The following DMXL2 variants were observed in gnomAD, a reference collection of about 807,000 sequenced individuals.
DMXL2 encodes the protein Dmx like 2.
DMXL2 carries 103 observed loss-of-function variants against 331.1 expected under a neutral mutation model. The observed-to-expected ratio is 0.31, with a 90% confidence interval of 0.27 to 0.37. DMXL2 has a LOEUF of 0.37. DMXL2 is among the 10% of genes least tolerant of loss of function. The pLI is 1.00. For missense variants in DMXL2, 3,171 were observed against 3,642.9 expected (o/e 0.87, Z 3.33); for synonymous variants, 1,281 against 1,252.1 (o/e 1.02, Z -0.49).
At chr15:51,600,024 C>G (rs2053116640) in intron 1 of DMXL2, among the ~76,000 whole-genome samples, 1 of 152,214 alleles carries the variant, frequency 6.6e-6, no homozygotes, top group Non-Finnish European at 1.5e-5. Context: ...ACACTTGTAA[C>G]TCTCTTCTTC....
chr15:51,504,732 T>G (rs1052181742), intron 16 of DMXL2, among the ~76,000 whole-genome samples: 1 of 152,164 alleles, frequency 6.6e-6, no homozygotes. Context: ...CAAACTTGGA[T>G]CCGTAGTCAG....
At chr15:51,529,459 G>T (rs886571761) in intron 13 of DMXL2, among the ~76,000 whole-genome samples, 1 of 152,014 alleles carries the variant, frequency 6.6e-6, no homozygotes, top group Non-Finnish European at 1.5e-5. Context: ...AGGATCAACA[G>T]TGGCTACTAT....
rs1567008295 is a variant in DMXL2, at chr15:51,481,018, C to G, written c.6088G>C (p.Glu2030Gln). The G allele has an allele frequency of 6.2e-7, 1 of 1,614,184 alleles. No homozygotes were observed. The change falls in exon 24 of 44, where the codon GAA becomes CAA. Residue 2030 changes from glutamate to glutamine, a missense_variant. By Grantham distance (29) the Glu-to-Gln change is conservative. This residue lies in a region of DMXL2 where 244 missense variants were observed against 251.4 expected (regional missense o/e 0.97). Coordinates refer to ENST00000560891, the MANE Select transcript of DMXL2 (RefSeq NM_001378457.1). ...ATCACATCAACTTCAGTATCACCTT[C>G]AGGATCATCCTCTTCCTGAGGTGTT... ...LLTPQEEDDPEGDTEVDVIAE... is the reference protein window; with the variant it reads ...LLTPQEEDDPQGDTEVDVIAE...
rs1250475486 is a variant in DMXL2 at position 51,481,403 on chromosome 15, G to A, written c.5703C>T (p.Ala1901=). The A allele has an allele frequency of 1.2e-6, 2 of 1,612,280 alleles. No individual in the cohort carries two copies. The highest frequency in any genetic ancestry group is 1.1e-5 in the South Asian group (1 of 90,890). ...TTGGAATTTTGGAGAGTACCTCCAA[G>A]GCTAAAACAGGGCATCCAACTTTAA... is the stretch of plus-strand genomic sequence containing the variant. The part of the protein sequence containing the change: ...AHFKVGCPVL[A]LEVLSKIPKV... The change falls in exon 24 of 44, where the codon GCC becomes GCT. Residue 1901 remains alanine (A), a synonymous_variant. Coordinates refer to ENST00000560891, the MANE Select transcript of DMXL2 (RefSeq NM_001378457.1).
chr15:51,555,491 C>A (rs1184083656), intron 6 of DMXL2, among the ~76,000 whole-genome samples: 1 of 152,090 alleles, frequency 6.6e-6, no homozygotes, highest in East Asian at 1.9e-4. Flanking sequence ...GAGCCCTGGG[C>A]ACTCCAACAT....
chr15:51,498,962 G>T lies in DMXL2; in HGVS notation c.4262C>A (p.Thr1421Asn). 6.2e-7 allele frequency: 1 copy of T among 1,614,012 alleles called. No homozygotes were observed. Among genetic ancestry groups the T allele is most frequent in the Non-Finnish European group, 8.5e-7 (1 of 1,180,000 alleles). ...TVGKDGTRDY[T>N]EIDSIPPLPL... is the part of the protein sequence containing the mutation. ...TAGTGGAGGGATAGAATCTATCTCA[G>T]TATAATCTCGAGTACCATCTTTTCC... is the stretch of plus-strand genomic sequence containing the variant. Residue 1421 changes from threonine to asparagine, a missense_variant, in exon 18 of 44, where the codon ACT becomes AAT. This residue lies in a region of DMXL2 where 1,674 missense variants were observed against 1,780.2 expected (regional missense o/e 0.94). Transcript: ENST00000560891.
chr15:51,587,915 G>A (rs577761309), intron 1 of DMXL2, among the ~76,000 whole-genome samples: 7 of 152,234 alleles, frequency 4.6e-5, no homozygotes, highest in Non-Finnish European at 1.0e-4. Flanking sequence ...TTCTCTGATG[G>A]CCAGTGATGA....
intron 13 of DMXL2, among the ~76,000 whole-genome samples, chr15:51,528,839 G>A (rs1669784873): frequency 2.6e-5 from 4 of 152,166 alleles, no homozygotes; most frequent in Admixed American, 2.0e-4. Context: ...GATCATTCTC[G>A]AGGACAGACC....
intron 6 of DMXL2, among the ~76,000 whole-genome samples, chr15:51,561,947 C>T (rs1158865855): frequency 6.6e-6 from 1 of 151,976 alleles, no homozygotes; most frequent in Non-Finnish European, 1.5e-5. Context: ...GAAAAAGTAC[C>T]GTTATTTTCT....
intron 1 of DMXL2, among the ~76,000 whole-genome samples, chr15:51,583,121 C>CTTTTTTTTTTTTTT (rs1171970352): frequency 6.6e-4 from 23 of 34,832 alleles, no homozygotes; most frequent in African/African-American, 1.0e-3. Context: ...TTTTTTTTTT[C>CTTTTTTTTTTTTTT]TTTTTTTTTT....
chr15:51,576,902 G>C (rs992732218), intron 1 of DMXL2, among the ~76,000 whole-genome samples: 3 of 152,150 alleles, frequency 2.0e-5, no homozygotes, highest in African/African-American at 7.2e-5. Flanking sequence ...ATATGATCTT[G>C]AAAATAGACT....
At chr15:51,502,142 G>T (rs901224448) in intron 17 of DMXL2, among the ~76,000 whole-genome samples, 1 of 146,702 alleles carries the variant, frequency 6.8e-6, no homozygotes, top group Non-Finnish European at 1.5e-5. Flanking sequence ...TGAGGCAGGA[G>T]AATGGGTGTG....
At chr15:51,475,350 C>T (rs530199810) in intron 27 of DMXL2, among the ~76,000 whole-genome samples, 60 of 152,032 alleles carry the variant, frequency 3.9e-4, no homozygotes, top group African/African-American at 1.4e-3. Context: ...AATAATTAGC[C>T]GGTCATGGTG....
At chr15:51,528,253 G>A (rs149171107) in intron 13 of DMXL2, among the ~76,000 whole-genome samples, 118 of 152,100 alleles carry the variant, frequency 7.8e-4, no homozygotes, top group East Asian at 9.7e-4. Flanking sequence ...TGGACTAAAT[G>A]GACTAAATTC....
At chr15:51,572,397 A>T (rs1017575345) in intron 2 of DMXL2, among the ~76,000 whole-genome samples, 1 of 152,110 alleles carries the variant, frequency 6.6e-6, no homozygotes, top group Non-Finnish European at 1.5e-5. Flanking sequence ...ACTATTCCAA[A>T]CAATAAAAAA....
chr15:51,450,888 AAATTGAG>A (rs2039075124), intron 42 of DMXL2, among the ~76,000 whole-genome samples: 1 of 152,228 alleles, frequency 6.6e-6, no homozygotes, highest in South Asian at 2.1e-4. Flanking sequence ...TTCTGCAATA[AAATTGAG>A]AATTAACTAC....
chr15:51,460,410 G>A (rs2040009352), intron 33 of DMXL2: 3 of 980,844 alleles, frequency 3.1e-6, no homozygotes, highest in Admixed American at 1.2e-4. Flanking sequence ...AACTTCCAAG[G>A]AATGGTCAAT....
chr15:51,548,303 A>T (rs531015053), intron 6 of DMXL2, among the ~76,000 whole-genome samples: 1 of 152,208 alleles, frequency 6.6e-6, no homozygotes, highest in South Asian at 2.1e-4. Context: ...CATTGACCCA[A>T]ATATTTTCAT....
chr15:51,463,777 C>T (rs1204895174), intron 32 of DMXL2, among the ~76,000 whole-genome samples: 1 of 152,076 alleles, frequency 6.6e-6, no homozygotes, highest in Non-Finnish European at 1.5e-5. Flanking sequence ...TCTTATTATT[C>T]TCTTTTTAAA....
Sources: allele counts gnomAD v4.1 joint callset (sites outside exome capture counted in the v4.1 genomes callset), GRCh38; gene constraint gnomAD v4.1.1; regional missense constraint gnomAD v4.1.1; transcripts MANE v1.5; gene names NCBI Gene and HGNC (gene_info 2026-07-23, HGNC 2026-07-21).